HPS5: variants seen among roughly 807,000 people sequenced by gnomAD.
HPS5 encodes HPS5 biogenesis of lysosomal organelles complex 2 subunit 2.
Under a neutral mutation model 128.0 loss-of-function variants are expected in HPS5, and 83 were observed. That is an observed-to-expected ratio of 0.65 (90% CI 0.54 to 0.78). The LOEUF (loss-of-function observed/expected upper bound fraction) is 0.78, where lower values mean the gene tolerates loss of function less well. Ranked by LOEUF, HPS5 falls within the 30% of genes least tolerant of loss-of-function variation. HPS5 has a pLI of 0.00. For missense variants in HPS5, 1,281 were observed against 1,326.2 expected, an observed-to-expected ratio of 0.97 and a Z score of 0.53; for synonymous variants, 475 against 470.2, an observed-to-expected ratio of 1.01 and a Z score of -0.13.
At chr11:18,305,258 T>A (rs1352338803) in intron 8 of HPS5, among the ~76,000 whole-genome samples, 164 bp downstream of exon 8, 4 of 152,242 alleles carry the variant, frequency 2.6e-5, no homozygotes, top group Non-Finnish European at 5.9e-5. Context: ...GATCTTTCCA[T>A]TCCTTTTAGA....
intron 16 of HPS5, among the ~76,000 whole-genome samples, chr11:18,290,004 C>T (rs1255295059): frequency 6.6e-6 from 1 of 152,240 alleles, no homozygotes; most frequent in African/African-American, 2.4e-5. Context: ...GGACAGGTTA[C>T]ATTTCCCAGT....
chr11:18,287,929 G>A lies in HPS5; in HGVS notation c.2525C>T (p.Pro842Leu), dbSNP rs149039105. ...TRLKLLDDEV[P>L]FDSPLLVVYA... ...AACAACCAACAACGGACTATCAAAA[G>A]GAACCTCGTCATCTAGTAACTTTAA... Residue 842 changes from proline to leucine, a missense_variant, in exon 17 of 23, where the codon CCT (proline) becomes CTT (leucine). Pro to Leu is a moderately conservative substitution (Grantham distance 98, BLOSUM62 -3). Coordinates refer to ENST00000349215, the MANE Select transcript of HPS5 (RefSeq NM_181507.2). The A allele has an allele frequency of 3.6e-5, 58 of 1,613,872 alleles. No individual in the cohort carries two copies. In the African/African-American group the frequency reaches 6.1e-4, roughly 17 times the overall value.
At chr11:18,287,067 T>C (rs969377718) in intron 18 of HPS5, among the ~76,000 whole-genome samples, 4 of 152,082 alleles carry the variant, frequency 2.6e-5, no homozygotes, top group Non-Finnish European at 4.4e-5. Flanking sequence ...GGCAACATTG[T>C]GGCAAATGTG....
chr11:18,314,073 T>C (rs771139311), intron 2 of HPS5, among the ~76,000 whole-genome samples: 12 of 151,728 alleles, frequency 7.9e-5, no homozygotes, highest in Non-Finnish European at 1.5e-5. Flanking sequence ...AGGCAGGCCA[T>C]GTGGTGTGGT....
At chr11:18,298,636 A>C (rs577085380) in intron 10 of HPS5, among the ~76,000 whole-genome samples, 156 bp downstream of exon 10, 2 of 152,334 alleles carry the variant, frequency 1.3e-5, no homozygotes, top group African/African-American at 4.8e-5. Flanking sequence ...ATCCACCCCT[A>C]GATATATCTA....
At position 18,287,601 on chromosome 11, in the gene HPS5, T is replaced by C. The variant is rs1038048486; in HGVS notation, c.2651A>G (p.His884Arg). 4 of 1,614,046 alleles carry C rather than the reference T, an allele frequency of 2.5e-6. No homozygotes were observed. The highest frequency in any genetic ancestry group is 3.4e-6 in the Non-Finnish European group (4 of 1,180,034). Residue 884 changes from histidine to arginine, a missense_variant, in exon 18 of 23, where the codon CAT (histidine) becomes CGT (arginine). Physicochemically the swap from His to Arg is conservative, Grantham distance 29. Coordinates refer to ENST00000349215, the MANE Select transcript of HPS5 (RefSeq NM_181507.2). ...ILPSDIIQLC[H>R]HHPAEFLAYL... is the part of the protein sequence containing the mutation. ...GGCCAAAAACTCAGCAGGATGATGA[T>C]GACAAAGTTGTATGATATCCGATGG...
chr11:18,285,424 T>A lies in HPS5; in HGVS notation c.2873A>T (p.Gln958Leu). Residue 958 changes from glutamine to leucine, a missense_variant, in exon 20 of 23, where the codon CAG becomes CTG. Transcript: ENST00000349215. The stretch of plus-strand genomic sequence containing the variant: ...AAGTTTAATTAGATGAAGGATCAGC[T>A]GACTGTAACCCCAGGAAAGCAAGTG... The part of the protein sequence containing the change: ...HSHLLSWGYS[Q>L]LILHLIKLPA... 6.2e-7 allele frequency: 1 copy of A among 1,613,386 alleles called. No individual in the cohort carries two copies. The highest frequency in any genetic ancestry group is 8.5e-7 in the Non-Finnish European group (1 of 1,179,452).
At chr11:18,292,492 C>T (rs574820424) in intron 15 of HPS5, among the ~76,000 whole-genome samples, 7 of 152,256 alleles carry the variant, frequency 4.6e-5, no homozygotes, top group African/African-American at 1.7e-4. Context: ...CCACGCCCAG[C>T]CTACTTCTTC....
rs368693170 is a variant in HPS5, at chr11:18,295,866, G to C, written c.1634+133C>G. The stretch of plus-strand genomic sequence containing the variant: ...CCCCAAGGTAAATGAGAAGTTAATA[G>C]CTCCATATGACAAGTTATATGGAAA... On this transcript the variant is annotated intron_variant, in intron 13 of 22. Transcript: ENST00000349215. 1.2e-5 allele frequency: 11 copies of C among 927,058 alleles called. No homozygotes were observed. In the African/African-American group the frequency reaches 1.5e-4, roughly 13 times the overall value. The allele number at this position is 927,058 out of a possible 1,614,324, so 57.4% of individuals were successfully genotyped here. A position where few individuals can be genotyped will look rare whatever the true frequency, so the allele number is the denominator to read the frequency against.
intron 2 of HPS5, among the ~76,000 whole-genome samples, chr11:18,313,122 TACC>T (rs1162118823): frequency 6.6e-6 from 1 of 152,240 alleles, no homozygotes; most frequent in South Asian, 2.1e-4. Context: ...CTTTGTTTTT[TACC>T]ACATCATTCC....
intron 8 of HPS5, among the ~76,000 whole-genome samples, chr11:18,303,126 G>A (rs1340607137): frequency 6.6e-6 from 1 of 152,170 alleles, no homozygotes; most frequent in Non-Finnish European, 1.5e-5. Context: ...TTTATGGGTT[G>A]CAACAGTAAA....
intron 1 of HPS5, among the ~76,000 whole-genome samples, chr11:18,320,718 A>T (rs1361158114): frequency 6.6e-6 from 1 of 152,222 alleles, no homozygotes; most frequent in African/African-American, 2.4e-5. Context: ...TAGTTTGCCT[A>T]AAAATGAGGT....
rs181479318 is a variant in HPS5 at position 18,312,517 on chromosome 11, G to A, written c.109-493C>T. Among the ~76,000 whole-genome samples, 221 of 152,318 alleles carry A rather than the reference G, an allele frequency of 1.5e-3. 1 individual carries two copies. Among genetic ancestry groups the A allele is most frequent in the Non-Finnish European group, 2.3e-3 (158 of 68,032 alleles). ...GTCATGCCGTGCCCAATACCCCGTG[G>A]TAAAAGTTATTAGTTGATTGACTAA... On this transcript the variant is annotated intron_variant, in intron 2 of 22. Coordinates refer to ENST00000349215, the MANE Select transcript of HPS5 (RefSeq NM_181507.2).
rs1860901136 is a variant in HPS5 at position 18,295,105 on chromosome 11, T to C, written c.1699A>G (p.Lys567Glu). Residue 567 changes from lysine (K) to glutamate (E), a missense_variant, in exon 14 of 23, where the codon AAA becomes GAA. Transcript: ENST00000349215. ...IGTLHTSPDL[K>E]VRPELRGDEQ... The stretch of plus-strand genomic sequence containing the variant: ...TCACCCCTGAGCTCTGGTCTCACTT[T>C]CAGATCAGGGCTCGTGTGAAGGGTG... The C allele has an allele frequency of 1.2e-6, 2 of 1,614,090 alleles. No homozygotes were observed. Among genetic ancestry groups the C allele is most frequent in the East Asian group, 4.5e-5 (2 of 44,894 alleles).
chr11:18,291,725 G>A lies in HPS5; in HGVS notation c.2157C>T (p.Asp719=). 2 of 1,614,192 alleles carry A rather than the reference G, an allele frequency of 1.2e-6. No homozygotes were observed. Residue 719 remains aspartate, a synonymous_variant, in exon 16 of 23, where the codon GAC becomes GAT. Coordinates refer to ENST00000349215, the MANE Select transcript of HPS5 (RefSeq NM_181507.2). ...CGCATGGAGAACATATTTGAAACAG[G>A]TCATCCAAAGACTCCCTTGGACTCC... is the stretch of plus-strand genomic sequence containing the variant. ...CVRSPRESLD[D]LFQICSPCAI...
At chr11:18,282,326 T>A (rs1054542748) in intron 21 of HPS5, 106 bp from the exon 22 acceptor site, 1 of 1,265,420 alleles carries the variant, frequency 7.9e-7, no homozygotes. Context: ...CGTAAAAATA[T>A]TCAAGAACAC....
chr11:18,288,121 C>A, intron 16 of HPS5, 108 bp from the exon 17 acceptor site: 1 of 1,188,998 alleles, frequency 8.4e-7, no homozygotes, highest in Non-Finnish European at 1.2e-6. Context: ...ACTGTGTGGA[C>A]CTATTATGTG....
intron 22 of HPS5, chr11:18,280,524 T>A: frequency 2.9e-6 from 2 of 694,414 alleles, no homozygotes; most frequent in Non-Finnish European, 5.2e-6. Flanking sequence ...GATTCCAGAA[T>A]TCCACTTTCA....
chr11:18,291,078 C>G (rs148078082), intron 16 of HPS5, among the ~76,000 whole-genome samples: 1 of 152,118 alleles, frequency 6.6e-6, no homozygotes, highest in African/African-American at 2.4e-5. Context: ...ATTAGCTGGG[C>G]GTGGTGGTGC....
Sources: allele counts gnomAD v4.1 joint callset (sites outside exome capture counted in the v4.1 genomes callset), GRCh38; gene constraint gnomAD v4.1.1; transcripts MANE v1.5; gene names NCBI Gene and HGNC (gene_info 2026-07-23, HGNC 2026-07-21).